Variants in OR6N1 observed in about 807,000 individuals in gnomAD.
OR6N1 encodes the protein olfactory receptor family 6 subfamily N member 1, also known as olfactory receptor 6N1.
For synonymous variants in OR6N1, 170 were observed against 150.7 expected, an observed-to-expected ratio of 1.13 and a Z score of -0.94; for missense variants, 394 against 371.7, an observed-to-expected ratio of 1.06 and a Z score of -0.49.
Position 158,766,639 on chromosome 1 carries a change from A to C in OR6N1, c.44T>G (p.Leu15Trp), listed in dbSNP as rs1201558571. The C allele has an allele frequency of 6.2e-7, 1 of 1,613,498 alleles. No individual in the cohort carries two copies. Among genetic ancestry groups the C allele is most frequent in the Admixed American group, 1.7e-5 (1 of 60,000 alleles). ...NWSQVAEFII[L>W]GFPHLQGVQI... Reference sequence around the variant, plus strand: ...GACACCCTGGAGATGGGGGAAGCCCAAGATGATGAATTCTGCTACCTGGCT... The same window carrying C: ...GACACCCTGGAGATGGGGGAAGCCCCAGATGATGAATTCTGCTACCTGGCT... The change falls in exon 2 of 2, where the codon TTG becomes TGG. Residue 15 changes from leucine (L) to tryptophan (W), a missense_variant. By Grantham distance (61) the Leu-to-Trp change is moderately conservative. Transcript: ENST00000641846.
chr1:158,766,765 C>A, intron 1 of OR6N1, 65 bp from the exon 2 acceptor site: 1 of 994,560 alleles, frequency 1.0e-6, no homozygotes, highest in Non-Finnish European at 1.5e-6. Flanking sequence ...AAGAAGGCAA[C>A]CCTCAAATTA....
chr1:158,777,670 T>C, the OR6N1 span: 3 of 1,410,178 alleles, frequency 2.1e-6, no homozygotes, highest in Middle Eastern at 1.9e-4. Context: ...GAAGAAAACA[T>C]TGGATTGAGA....
the OR6N1 span, chr1:158,831,481 C>T: frequency 4.6e-5 from 7 of 152,268 alleles, no homozygotes; most frequent in South Asian, 2.1e-4. Context: ...CAAAGCTTTA[C>T]GGACAGTGAT....
the OR6N1 span, among the ~76,000 whole-genome samples, chr1:158,835,619 G>T: frequency 3.8e-5 from 3 of 78,704 alleles, no homozygotes; most frequent in Non-Finnish European, 5.3e-5. Context: ...TTTTGGTGGG[G>T]GCGGGGGGTG....
At chr1:158,771,388 T>C (rs560055286) in intron 1 of OR6N1, among the ~76,000 whole-genome samples, 2 of 152,290 alleles carry the variant, frequency 1.3e-5, no homozygotes, top group African/African-American at 2.4e-5. Context: ...ATCCGAGTTA[T>C]GGTGGGTAAT....
chr1:158,769,787 C>T (rs754061399), intron 1 of OR6N1, among the ~76,000 whole-genome samples: 1 of 152,220 alleles, frequency 6.6e-6, no homozygotes, highest in Non-Finnish European at 1.5e-5. Flanking sequence ...TTCCAGAGAA[C>T]TACTTCCGGG....
chr1:158,779,432 A>T, the OR6N1 span, among the ~76,000 whole-genome samples: 3 of 152,204 alleles, frequency 2.0e-5, no homozygotes, highest in African/African-American at 7.2e-5. Flanking sequence ...AACCAAACGA[A>T]TTCATTTAAA....
chr1:158,804,529 A>G, the OR6N1 span, among the ~76,000 whole-genome samples: 1 of 152,238 alleles, frequency 6.6e-6, no homozygotes, highest in South Asian at 2.1e-4. Context: ...AAGTGATAAA[A>G]GTAGTATTCA....
chr1:158,786,966 C>A, the OR6N1 span, among the ~76,000 whole-genome samples: 1 of 152,066 alleles, frequency 6.6e-6, no homozygotes. Context: ...TAACAGAAAA[C>A]CACCTGTACT....
At chr1:158,774,236 G>A (rs946035849), upstream of OR6N1, 2 of 152,188 alleles carry the variant, frequency 1.3e-5, no homozygotes, top group Admixed American at 1.3e-4. Context: ...TGTACTGTGT[G>A]TTTATTTTAC....
the OR6N1 span, among the ~76,000 whole-genome samples, chr1:158,785,754 T>C: frequency 6.6e-6 from 1 of 152,224 alleles, no homozygotes; most frequent in Non-Finnish European, 1.5e-5. Flanking sequence ...TAACCACTTA[T>C]TAATTTGTAC....
the OR6N1 span, among the ~76,000 whole-genome samples, chr1:158,827,615 A>C: frequency 6.6e-6 from 1 of 152,214 alleles, no homozygotes; most frequent in Non-Finnish European, 1.5e-5. Context: ...AGGCTGGAAG[A>C]AAGGAGGTGA....
the OR6N1 span, among the ~76,000 whole-genome samples, chr1:158,836,152 T>A: frequency 6.7e-6 from 1 of 148,740 alleles, no homozygotes; most frequent in Admixed American, 6.8e-5. Flanking sequence ...AAAAAAAAAA[T>A]GCATCGACAT....
Position 158,766,585 on chromosome 1 carries a change from A to G in OR6N1, c.98T>C (p.Leu33Pro), listed in dbSNP as rs200626708. 6.0e-5 allele frequency: 97 copies of G among 1,614,114 alleles called. No individual in the cohort carries two copies. Among genetic ancestry groups the G allele is most frequent in the Non-Finnish European group, 8.1e-5 (95 of 1,180,000 alleles). Residue 33 changes from leucine to proline, a missense_variant, in exon 2 of 2, where the codon CTC (leucine) becomes CCC (proline). By Grantham distance (98) the Leu-to-Pro change is moderately conservative. Coordinates refer to ENST00000641846, the MANE Select transcript of OR6N1 (RefSeq NM_001005185.2). ...TCCCAACACAGTCATGAGGTAAATGAGAAGCAACAAGAGGAAGAGATAAAT... is the reference window on the plus strand; with the variant it reads ...TCCCAACACAGTCATGAGGTAAATGGGAAGCAACAAGAGGAAGAGATAAAT... ...VQIYLFLLLL[L>P]IYLMTVLGNL...
rs1657211795 is a variant in OR6N1 at position 158,765,116 on chromosome 1, T to C, written c.*628A>G. The C allele has an allele frequency of 6.6e-6, 1 of 152,202 alleles. No individual in the cohort carries two copies. The allele number at this position is 152,202 out of a possible 1,614,324, so 9.4% of individuals were successfully genotyped here. A position where few individuals can be genotyped will look rare whatever the true frequency, so the allele number is the denominator to read the frequency against. On this transcript the variant is annotated 3_prime_UTR_variant, in exon 2 of 2. Coordinates refer to ENST00000641846, the MANE Select transcript of OR6N1 (RefSeq NM_001005185.2). ...TTACTATCACCTACATGTCAGACAC[T>C]GTGCACTGTGGTTTACAAATCTTAA...
the OR6N1 span, among the ~76,000 whole-genome samples, chr1:158,794,218 T>A: frequency 6.6e-6 from 1 of 152,078 alleles, no homozygotes; most frequent in Admixed American, 6.5e-5. Context: ...GGGAGAAAAG[T>A]CCCCTTCTCC....
At chr1:158,825,527 C>G in the OR6N1 span, among the ~76,000 whole-genome samples, 1 of 151,610 alleles carries the variant, frequency 6.6e-6, no homozygotes, top group African/African-American at 2.4e-5. Flanking sequence ...AAAAAAAATT[C>G]TCAACATCAC....
the OR6N1 span, among the ~76,000 whole-genome samples, chr1:158,811,163 C>A: frequency 6.6e-6 from 1 of 152,106 alleles, no homozygotes; most frequent in Non-Finnish European, 1.5e-5. Context: ...TATTAATTTG[C>A]TGAGGATAAT....
At chr1:158,790,523 G>A in the OR6N1 span, among the ~76,000 whole-genome samples, 4 of 151,180 alleles carry the variant, frequency 2.6e-5, no homozygotes, top group Non-Finnish European at 5.9e-5. Flanking sequence ...TCCTGCCTCA[G>A]CCTCCCAAGT....
Sources: gnomAD v4.1 joint callset for allele counts (sites outside exome capture counted in the v4.1 genomes callset) on GRCh38, gnomAD v4.1.1 for gene constraint, MANE v1.5 for transcripts, NCBI Gene and HGNC (gene_info 2026-07-23, HGNC 2026-07-21) for gene names.